The following MIGA1 variants were observed in gnomAD, a reference collection of about 807,000 sequenced individuals.
The protein encoded by MIGA1 is mitoguardin 1.
A neutral mutation model predicts 82.0 loss-of-function variants in MIGA1; 58 were observed. That is an observed-to-expected ratio of 0.71 (90% confidence interval 0.57 to 0.88). The LOEUF is 0.88. Among genes scored for constraint, MIGA1 ranks in the 40% least tolerant of loss-of-function variants. The pLI, the probability that MIGA1 is intolerant of heterozygous loss-of-function variation, is 0.00. For synonymous variants in MIGA1, 249 were observed against 253.6 expected, an observed-to-expected ratio of 0.98 and a Z score of 0.17; for missense variants, 751 against 749.1, an observed-to-expected ratio of 1.00 and a Z score of -0.03.
chr1:77,825,119 G>A (rs1468780771), intron 7 of MIGA1, among the ~76,000 whole-genome samples: 1 of 151,066 alleles, frequency 6.6e-6, no homozygotes, highest in Non-Finnish European at 1.5e-5. Flanking sequence ...CTCCCAAGTA[G>A]CTGAGACTGC....
intron 5 of MIGA1, among the ~76,000 whole-genome samples, chr1:77,813,403 G>A (rs1421972755): frequency 1.3e-5 from 2 of 152,148 alleles, no homozygotes; most frequent in African/African-American, 4.8e-5. Context: ...AAACATAGTT[G>A]TGTGGCTATA....
rs945150915 is a variant in MIGA1, at chr1:77,848,235, G to A, written c.996+4828G>A. On this transcript the variant is annotated intron_variant, in intron 8 of 15. Transcript: ENST00000370791. ...GAACAGGAAGATAAACTAAGGGCGA[G>A]GGACCAAAGAGAAAGAAGTGACAGA... is the stretch of plus-strand genomic sequence containing the variant. The A allele has an allele frequency of 3.5e-6, 5 of 1,417,340 alleles. No homozygotes were observed. The African/African-American group carries it at 7.1e-5, about 20-fold the overall frequency. 87.8% of individuals were successfully genotyped at this position (1,417,340 alleles called of 1,614,324 possible).
At chr1:77,786,802 C>T (rs1250136598) in intron 2 of MIGA1, among the ~76,000 whole-genome samples, 1 of 152,214 alleles carries the variant, frequency 6.6e-6, no homozygotes, top group Non-Finnish European at 1.5e-5. Flanking sequence ...CCCACATTTT[C>T]CTCTCTTCTT....
intron 5 of MIGA1, chr1:77,811,024 G>T: frequency 6.2e-7 from 1 of 1,613,126 alleles, no homozygotes; most frequent in Non-Finnish European, 8.5e-7. Flanking sequence ...CTTGGTGCTG[G>T]TAAACCTTTT....
chr1:77,868,801 A>G (rs1685775153), intron 14 of MIGA1, among the ~76,000 whole-genome samples: 1 of 152,162 alleles, frequency 6.6e-6, no homozygotes, highest in Admixed American at 6.5e-5. Flanking sequence ...CTGTGTGTGA[A>G]TTAGGGCAGT....
At chr1:77,801,536 A>G in intron 3 of MIGA1, 28 bp downstream of exon 3, 2 of 1,549,030 alleles carry the variant, frequency 1.3e-6, no homozygotes, top group Non-Finnish European at 1.7e-6. Flanking sequence ...AAGTAAGTGT[A>G]CAAAAGTGTG....
intron 2 of MIGA1, among the ~76,000 whole-genome samples, chr1:77,794,642 A>G (rs975123235): frequency 6.6e-6 from 1 of 152,148 alleles, no homozygotes; most frequent in African/African-American, 2.4e-5. Context: ...TGGCATGACA[A>G]GGTGGGAGGA....
At chr1:77,826,826 A>G (rs1258027542) in intron 7 of MIGA1, among the ~76,000 whole-genome samples, 1 of 150,760 alleles carries the variant, frequency 6.6e-6, no homozygotes, top group African/African-American at 2.4e-5. Flanking sequence ...TTTTTCTGAG[A>G]TGGAGTCTTG....
intron 7 of MIGA1, among the ~76,000 whole-genome samples, chr1:77,824,858 G>A (rs1265138004): frequency 6.6e-6 from 1 of 151,824 alleles, no homozygotes; most frequent in African/African-American, 2.4e-5. Context: ...TTTATTGTTT[G>A]CCATGTTCCA....
chr1:77,815,872 G>A (rs1051076081), intron 7 of MIGA1, among the ~76,000 whole-genome samples: 3 of 152,102 alleles, frequency 2.0e-5, no homozygotes, highest in Non-Finnish European at 2.9e-5. Context: ...TGGGACTATA[G>A]GCACATGCCA....
In MIGA1 at chr1:77,866,360, C is replaced by T; in HGVS notation, c.1532C>T (p.Ser511Leu). Residue 511 changes from serine (S) to leucine (L), a missense_variant, in exon 14 of 16, where the codon TCG (serine) becomes TTG (leucine). Physicochemically the swap from Ser to Leu is moderately radical, Grantham distance 145. Transcript: ENST00000370791. ...TAGGCTGTGGCTTCAAGTTGTTGGT[C>T]GGTGCTGAAACAGAAAAGACAACAG... 1.2e-6 allele frequency: 2 copies of T among 1,613,894 alleles called. No individual in the cohort carries two copies. The highest frequency in any genetic ancestry group is 1.7e-6 in the Non-Finnish European group (2 of 1,179,920).
At chr1:77,871,007 G>T (rs914580438) in intron 14 of MIGA1, among the ~76,000 whole-genome samples, 1 of 150,832 alleles carries the variant, frequency 6.6e-6, no homozygotes, top group Non-Finnish European at 1.5e-5. Context: ...AATCAGGCAG[G>T]GAGGTTGCAG....
chr1:77,781,306 A>G (rs1416022861), intron 1 of MIGA1, among the ~76,000 whole-genome samples: 2 of 152,220 alleles, frequency 1.3e-5, no homozygotes, highest in Non-Finnish European at 2.9e-5. Flanking sequence ...ATGCTCCATT[A>G]TAGGGAAAAT....
At chr1:77,862,475 CG>C (rs1373414792) in intron 12 of MIGA1, among the ~76,000 whole-genome samples, 15 of 122,678 alleles carry the variant, frequency 1.2e-4, no homozygotes, top group Non-Finnish European at 2.5e-4. Flanking sequence ...GATATCGGTC[CG>C]GCATGGTGGC....
At chr1:77,828,817 C>T (rs888635201) in intron 7 of MIGA1, among the ~76,000 whole-genome samples, 6 of 152,130 alleles carry the variant, frequency 3.9e-5, no homozygotes, top group African/African-American at 1.4e-4. Context: ...GGACTACAGG[C>T]ATGTGCCACA....
At chr1:77,873,177 GT>G in intron 15 of MIGA1, 57 bp downstream of exon 15, 1 of 1,495,122 alleles carries the variant, frequency 6.7e-7, no homozygotes. Context: ...AGGAGATACG[GT>G]TTTATTCTGT....
chr1:77,843,144 C>T (rs1684688651), intron 7 of MIGA1, among the ~76,000 whole-genome samples, 163 bp from the exon 8 acceptor site: 1 of 152,170 alleles, frequency 6.6e-6, no homozygotes, highest in African/African-American at 2.4e-5. Context: ...CCCTACTTGT[C>T]AGAGTTTCAG....
At chr1:77,868,306 A>C (rs1685753261) in intron 14 of MIGA1, 2 of 152,154 alleles carry the variant, frequency 1.3e-5, no homozygotes, top group Admixed American at 6.5e-5. Flanking sequence ...AGCTCACTAC[A>C]ACCTCTGCCT....
At chr1:77,851,598 A>G (rs1056857190) in intron 8 of MIGA1, among the ~76,000 whole-genome samples, 1 of 152,188 alleles carries the variant, frequency 6.6e-6, no homozygotes, top group African/African-American at 2.4e-5. Flanking sequence ...AAAGTTTAAG[A>G]TTAATGATTT....
Sources: gnomAD v4.1 joint callset for allele counts (sites outside exome capture counted in the v4.1 genomes callset) on GRCh38, gnomAD v4.1.1 for gene constraint, MANE v1.5 for transcripts, NCBI Gene and HGNC (gene_info 2026-07-23, HGNC 2026-07-21) for gene names.